Variants in NTM observed in about 807,000 individuals in gnomAD.
The protein encoded by NTM is IgLON family member 2.
A neutral mutation model predicts 42.1 loss-of-function variants in NTM; 13 were observed. That is an observed-to-expected ratio of 0.31 (90% confidence interval 0.20 to 0.49). The LOEUF (loss-of-function observed/expected upper bound fraction) is 0.49. NTM is among the 20% of genes least tolerant of loss of function. The probability of loss-of-function intolerance (pLI) is 0.99; values close to 1 mark genes in which losing one functional copy is unlikely to be tolerated. For synonymous variants in NTM, 187 were observed against 179.2 expected (o/e 1.04, Z -0.35); for missense variants, 373 against 452.8 (o/e 0.82, Z 1.60).
At chr11:131,549,984 C>A (rs574437422) in intron 1 of NTM, among the ~76,000 whole-genome samples, 5 of 152,118 alleles carry the variant, frequency 3.3e-5, no homozygotes, top group Non-Finnish European at 7.3e-5. Flanking sequence ...TCCTGCAGGG[C>A]GGACTCAGGC....
At chr11:132,151,334 A>G (rs1296807926) in intron 3 of NTM, among the ~76,000 whole-genome samples, 2 of 152,198 alleles carry the variant, frequency 1.3e-5, no homozygotes, top group Non-Finnish European at 1.5e-5. Flanking sequence ...CTAAGAACCC[A>G]TGAATGGTGG....
At chr11:131,404,256 C>G (rs1430748411) in intron 1 of NTM, among the ~76,000 whole-genome samples, 1 of 152,160 alleles carries the variant, frequency 6.6e-6, no homozygotes, top group Non-Finnish European at 1.5e-5. Context: ...AGGTCATCAG[C>G]AACATTTATA....
intron 4 of NTM, among the ~76,000 whole-genome samples, chr11:132,277,036 A>G (rs1451355286): frequency 6.6e-6 from 1 of 152,080 alleles, no homozygotes; most frequent in Non-Finnish European, 1.5e-5. Flanking sequence ...ATCCACTTCT[A>G]TTTCTAGCAG....
At chr11:132,305,843 T>A (rs2140163873) in intron 4 of NTM, among the ~76,000 whole-genome samples, 1 of 152,266 alleles carries the variant, frequency 6.6e-6, no homozygotes, top group Admixed American at 6.5e-5. Flanking sequence ...TCTATTTGGG[T>A]TAATGTTGTT....
intron 2 of NTM, among the ~76,000 whole-genome samples, chr11:131,924,604 T>G (rs1415789281): frequency 1.3e-5 from 2 of 152,034 alleles, no homozygotes; most frequent in Admixed American, 6.6e-5. Flanking sequence ...TCCTTTCTCC[T>G]TAGACCATCT....
rs557522093 is a variant in NTM at position 131,763,709 on chromosome 11, C to CTTTTTTTTTTTTTTTTTTTTTTT, written c.83-147851_83-147829dup. On this transcript the variant is annotated intron_variant, in intron 1 of 8. Transcript: ENST00000683400. Reference sequence around the variant, plus strand: ...CTTATCCACAGGCCCATCTCTCTCTCTTTTTTTTTTTTTTTTTTTTTTTTT... The same window carrying CTTTTTTTTTTTTTTTTTTTTTTT: ...CTTATCCACAGGCCCATCTCTCTCTCTTTTTTTTTTTTTTTTTTTTTTTTTTTTTTTTTTTTTTTTTTTTTTTT... 1.8e-3 allele frequency among the ~76,000 whole-genome samples: 130 copies of CTTTTTTTTTTTTTTTTTTTTTTT among 71,364 alleles called. 19 individuals are homozygous for CTTTTTTTTTTTTTTTTTTTTTTT. Among genetic ancestry groups the CTTTTTTTTTTTTTTTTTTTTTTT allele is most frequent in the East Asian group, 4.3e-3 (9 of 2,084 alleles). 46.8% of individuals were successfully genotyped at this position (71,364 alleles called of 152,430 possible).
At chr11:131,987,912 GCA>G (rs2066351444) in intron 2 of NTM, among the ~76,000 whole-genome samples, 1 of 152,228 alleles carries the variant, frequency 6.6e-6, no homozygotes, top group South Asian at 2.1e-4. Context: ...GATGACTCAT[GCA>G]CACTGTCTAC....
At chr11:132,227,297 T>C (rs191778648) in intron 4 of NTM, among the ~76,000 whole-genome samples, 211 of 152,282 alleles carry the variant, frequency 1.4e-3, no homozygotes, top group Middle Eastern at 3.4e-3. Context: ...AGGATTAAGA[T>C]TTGGCAAAAT....
chr11:131,735,879 A>T (rs944131587), intron 1 of NTM, among the ~76,000 whole-genome samples: 8 of 143,570 alleles, frequency 5.6e-5, no homozygotes, highest in Non-Finnish European at 9.0e-5. Context: ...TGTGTGTATA[A>T]AAAAATATAT....
chr11:131,608,031 C>T (rs2061136090), intron 1 of NTM, among the ~76,000 whole-genome samples: 1 of 152,114 alleles, frequency 6.6e-6, no homozygotes, highest in African/African-American at 2.4e-5. Flanking sequence ...TTAGGTATAT[C>T]TCCTAATGCT....
At chr11:131,827,616 T>C (rs2042291093) in intron 1 of NTM, among the ~76,000 whole-genome samples, 1 of 152,210 alleles carries the variant, frequency 6.6e-6, no homozygotes, top group Admixed American at 6.5e-5. Flanking sequence ...GAAACCACAC[T>C]ACTTCCCCTT....
chr11:131,632,015 T>C (rs1454499073), intron 1 of NTM, among the ~76,000 whole-genome samples: 1 of 152,198 alleles, frequency 6.6e-6, no homozygotes, highest in Non-Finnish European at 1.5e-5. Flanking sequence ...TTAGTATGCA[T>C]ATGTTTCAGC....
At chr11:131,636,807 A>C (rs2064457520) in intron 1 of NTM, among the ~76,000 whole-genome samples, 1 of 152,182 alleles carries the variant, frequency 6.6e-6, no homozygotes, top group Non-Finnish European at 1.5e-5. Context: ...CTTTCAGTGG[A>C]AGGAGGAAGC....
In NTM at chr11:131,632,666, C is replaced by T. The variant is rs564796055; in HGVS notation, c.82+261778C>T. ...CACTACTTTTCATCTTGGTCATGCT[C>T]GGGCAGCTTTTTTTTTTTTTTTTTT... On this transcript the variant is annotated intron_variant, in intron 1 of 8. Coordinates refer to ENST00000683400, the MANE Select transcript of NTM (RefSeq NM_001352005.2). 3.3e-3 allele frequency among the ~76,000 whole-genome samples: 386 copies of T among 116,912 alleles called. 2 individuals carry two copies. The highest frequency in any genetic ancestry group is 4.9e-3 in the Non-Finnish European group (282 of 57,824). The allele number at this position is 116,912 out of a possible 152,430, so 76.7% of individuals were successfully genotyped here. A position where few individuals can be genotyped will look rare whatever the true frequency, so the allele number is the denominator to read the frequency against.
chr11:131,630,957 GC>G (rs2063594980), intron 1 of NTM, among the ~76,000 whole-genome samples: 1 of 152,222 alleles, frequency 6.6e-6, no homozygotes, highest in Non-Finnish European at 1.5e-5. Flanking sequence ...AAAAAACAAA[GC>G]TTTTCTCAAT....
intron 4 of NTM, among the ~76,000 whole-genome samples, chr11:132,214,381 C>T (rs1470014415): frequency 6.6e-6 from 1 of 152,060 alleles, no homozygotes; most frequent in Non-Finnish European, 1.5e-5. Flanking sequence ...GCTCTGTCTT[C>T]TGTTTGATGT....
intron 7 of NTM, among the ~76,000 whole-genome samples, chr11:132,326,755 C>T (rs941721917): frequency 1.1e-4 from 16 of 152,192 alleles, no homozygotes; most frequent in African/African-American, 3.6e-4. Context: ...AGAAAACAGC[C>T]CTTGCACCTG....
intron 2 of NTM, among the ~76,000 whole-genome samples, chr11:132,014,515 T>G (rs1332463144): frequency 6.6e-6 from 1 of 151,994 alleles, no homozygotes; most frequent in Non-Finnish European, 1.5e-5. Flanking sequence ...ACCAGCAGTA[T>G]GTAAGAGTTG....
chr11:132,255,780 T>G (rs1288487504), intron 4 of NTM, among the ~76,000 whole-genome samples: 2 of 152,102 alleles, frequency 1.3e-5, no homozygotes, highest in Non-Finnish European at 2.9e-5. Context: ...AGCTCTGCCT[T>G]CCACTTGGGT....
Sources: gnomAD v4.1 joint callset for allele counts (sites outside exome capture counted in the v4.1 genomes callset) on GRCh38, gnomAD v4.1.1 for gene constraint, MANE v1.5 for transcripts, NCBI Gene and HGNC (gene_info 2026-07-23, HGNC 2026-07-21) for gene names.